The following HCFC2 variants were observed in gnomAD, a reference collection of about 807,000 sequenced individuals.
The protein encoded by HCFC2 is host cell factor 2.
HCFC2 carries 18 observed loss-of-function variants against 89.2 expected under a neutral mutation model. The observed-to-expected ratio is 0.20, with a 90% confidence interval of 0.14 to 0.30. The LOEUF is 0.30. Among genes scored for constraint, HCFC2 ranks in the 10% least tolerant of loss-of-function variants. The probability of loss-of-function intolerance (pLI) is 1.00; values close to 1 mark genes in which losing one functional copy is unlikely to be tolerated. For synonymous variants in HCFC2, 308 were observed against 335.7 expected, an observed-to-expected ratio of 0.92 and a Z score of 0.90; for missense variants, 578 against 956.1, an observed-to-expected ratio of 0.60 and a Z score of 5.21.
intron 8 of HCFC2, among the ~76,000 whole-genome samples, chr12:104,087,504 T>C (rs969225089): frequency 1.4e-5 from 2 of 146,966 alleles, no homozygotes; most frequent in African/African-American, 2.5e-5. Flanking sequence ...TATACACACA[T>C]ACACTGCAGA....
chr12:104,094,522 T>C (rs969387233), intron 10 of HCFC2, among the ~76,000 whole-genome samples: 9 of 152,144 alleles, frequency 5.9e-5, no homozygotes, highest in Non-Finnish European at 1.3e-4. Flanking sequence ...TGAATAAATA[T>C]ACGTCATAGG....
In HCFC2 at chr12:104,064,768, G is replaced by A. The variant is rs756235952; in HGVS notation, c.163+45G>A. The A allele has an allele frequency of 4.0e-6, 6 of 1,516,784 alleles. No individual in the cohort carries two copies. The Admixed American group carries it at 1.2e-4, about 29-fold the overall frequency. The allele number at this position is 1,516,784 out of a possible 1,614,324, so 94.0% of individuals were successfully genotyped here. ...GTCGGCCCCGCCTGCTGGAGCTGCG[G>A]AGGGGGAGGGGAGGCGAGGCGGCGG... On this transcript the variant is annotated intron_variant, in intron 1 of 14. Transcript: ENST00000229330. This position sits in a 1 kb window ranked among gnomAD's most constrained non-coding sequence, Gnocchi z 7.3.
chr12:104,083,045 C>A, intron 7 of HCFC2, 144 bp downstream of exon 7: 1 of 606,898 alleles, frequency 1.6e-6, no homozygotes, highest in Non-Finnish European at 2.8e-6. Context: ...TAGTTATTCT[C>A]CACTCCTGAG....
chr12:104,092,508 C>T (rs1381283994), intron 9 of HCFC2, among the ~76,000 whole-genome samples: 1 of 151,948 alleles, frequency 6.6e-6, no homozygotes, highest in Admixed American at 6.6e-5. Context: ...CGCTGTGGCT[C>T]ACTCCTGTAA....
chr12:104,080,580 T>G (rs1042038204), intron 4 of HCFC2, 166 bp from the exon 5 acceptor site: 21 of 444,006 alleles, frequency 4.7e-5, no homozygotes, highest in Non-Finnish European at 8.0e-5. Flanking sequence ...AATTTCTGAT[T>G]GGCAGTTTAT....
Position 104,105,906 on chromosome 12 carries a change from A to G in HCFC2, c.*2633A>G, listed in dbSNP as rs981325257. 1.3e-5 allele frequency: 2 copies of G among 152,100 alleles called. No homozygotes were observed. Among genetic ancestry groups the G allele is most frequent in the African/African-American group, 2.4e-5 (1 of 41,454 alleles). The allele number at this position is 152,100 out of a possible 1,614,324, so 9.4% of individuals were successfully genotyped here. A position where few individuals can be genotyped will look rare whatever the true frequency, so the allele number is the denominator to read the frequency against. On this transcript the variant is annotated 3_prime_UTR_variant, in exon 15 of 15. Coordinates refer to ENST00000229330, the MANE Select transcript of HCFC2 (RefSeq NM_013320.3). ...CTTCCCAGTCAGGTAAGCAGTTCAA[A>G]TATAACAAGACTTTGTGCCAGTCCT...
At chr12:104,066,444 A>G in intron 2 of HCFC2, 129 bp downstream of exon 2, 1 of 535,908 alleles carries the variant, frequency 1.9e-6, no homozygotes, top group Non-Finnish European at 3.0e-6. Flanking sequence ...GTATTATTCA[A>G]GTAAACTATT....
intron 10 of HCFC2, 93 bp downstream of exon 10, chr12:104,093,656 C>A: frequency 8.5e-7 from 1 of 1,176,660 alleles, no homozygotes; most frequent in East Asian, 2.4e-5. Flanking sequence ...AGTTTTGATC[C>A]ATTTTCCTAA....
intron 13 of HCFC2, 151 bp downstream of exon 13, chr12:104,098,631 G>C (rs764206078): frequency 4.4e-5 from 32 of 724,838 alleles, no homozygotes; most frequent in Non-Finnish European, 7.0e-5. Flanking sequence ...GTAAAATTGG[G>C]ATCCATCCAC....
intron 5 of HCFC2, among the ~76,000 whole-genome samples, chr12:104,081,939 TAA>T (rs150575566): frequency 2.1e-5 from 3 of 141,702 alleles, no homozygotes; most frequent in South Asian, 2.2e-4. Flanking sequence ...CTGGTTGGCA[TAA>T]AAAAAAAAAT....
At chr12:104,081,826 G>T (rs1486829864) in intron 5 of HCFC2, among the ~76,000 whole-genome samples, 1 of 150,332 alleles carries the variant, frequency 6.7e-6, no homozygotes, top group Admixed American at 6.7e-5. Context: ...GATGGCCTGA[G>T]CCCAGGAGGT....
At chr12:104,101,072 G>A (rs1229808654) in intron 13 of HCFC2, among the ~76,000 whole-genome samples, 1 of 152,202 alleles carries the variant, frequency 6.6e-6, no homozygotes, top group Non-Finnish European at 1.5e-5. Context: ...CTAACTGGGA[G>A]AGTTAGGGAG....
chr12:104,101,684 C>T (rs1170367386), intron 13 of HCFC2, among the ~76,000 whole-genome samples: 1 of 152,102 alleles, frequency 6.6e-6, no homozygotes, highest in Admixed American at 6.6e-5. Context: ...TCTACCTTCA[C>T]ATTGTTCACG....
At chr12:104,071,059 G>A (rs1030781533) in intron 3 of HCFC2, among the ~76,000 whole-genome samples, 21 of 152,074 alleles carry the variant, frequency 1.4e-4, no homozygotes, top group African/African-American at 5.1e-4. Flanking sequence ...GCCTGCCTCA[G>A]CCTACCAAAG....
Position 104,098,408 on chromosome 12 carries a change from A to G in HCFC2, c.1806A>G (p.Gly602=). Residue 602 remains glycine (G), a synonymous_variant, in exon 13 of 15, where the codon GGA becomes GGG. Transcript: ENST00000229330. ...GAGAACGACAATGGTGTGATGTGGG[A>G]ATTTTTAAAAATAATACAGCTTTGG... is the stretch of plus-strand genomic sequence containing the variant. The part of the protein sequence containing the change: ...KAGERQWCDV[G]IFKNNTALVS... 6.2e-7 allele frequency: 1 copy of G among 1,613,128 alleles called. No homozygotes were observed. Among genetic ancestry groups the G allele is most frequent in the East Asian group, 2.2e-5 (1 of 44,836 alleles).
chr12:104,093,186 G>C (rs1396466548), intron 9 of HCFC2, among the ~76,000 whole-genome samples, 200 bp from the exon 10 acceptor site: 1 of 152,088 alleles, frequency 6.6e-6, no homozygotes, highest in Non-Finnish European at 1.5e-5. Flanking sequence ...TGAGCATGGA[G>C]ATTAAGTGAA....
intron 7 of HCFC2, among the ~76,000 whole-genome samples, chr12:104,083,636 A>G (rs1312395641): frequency 6.6e-6 from 1 of 152,174 alleles, no homozygotes; most frequent in Admixed American, 6.6e-5. Flanking sequence ...AGCTGGAGAA[A>G]AGGGAAAGCT....
At chr12:104,080,951 T>A in intron 5 of HCFC2, 121 bp downstream of exon 5, 1 of 595,742 alleles carries the variant, frequency 1.7e-6, no homozygotes, top group Non-Finnish European at 2.9e-6. Context: ...AAAGTTTGAT[T>A]GTGCTGACTG....
At position 104,078,678 on chromosome 12, in the gene HCFC2, T is replaced by A. The variant is rs116703831; in HGVS notation, c.474-767T>A. ...TTTATCAAAATATTTTCAATAGTGA[T>A]TGTTCTGGTTATCTAGTGCCATACA... On this transcript the variant is annotated intron_variant, in intron 3 of 14. Coordinates refer to ENST00000229330, the MANE Select transcript of HCFC2 (RefSeq NM_013320.3). 5.6e-3 allele frequency among the ~76,000 whole-genome samples: 857 copies of A among 152,312 alleles called. 6 individuals are homozygous for A. The highest frequency in any genetic ancestry group is 0.02 in the African/African-American group (820 of 41,566).
Sources: allele counts gnomAD v4.1 joint callset (sites outside exome capture counted in the v4.1 genomes callset), GRCh38; gene constraint gnomAD v4.1.1; non-coding constraint Gnocchi (gnomAD v3.1); transcripts MANE v1.5; gene names NCBI Gene and HGNC (gene_info 2026-07-23, HGNC 2026-07-21).